Variants in PPP1R9B observed in about 807,000 individuals in gnomAD.
The protein encoded by PPP1R9B is neurabin-2.
In PPP1R9B, 17 loss-of-function variants were observed where a neutral mutation model predicts 75.8. That is an observed-to-expected ratio of 0.22 (90% CI 0.15 to 0.34). PPP1R9B has a LOEUF of 0.34. PPP1R9B is among the 10% of genes least tolerant of loss of function. The pLI is 1.00. For missense variants in PPP1R9B, 875 were observed against 1,196.0 expected, an observed-to-expected ratio of 0.73 and a Z score of 3.96; for synonymous variants, 509 against 535.4, an observed-to-expected ratio of 0.95 and a Z score of 0.68.
At position 50,145,083 on chromosome 17, in the gene PPP1R9B, C is replaced by T. The variant is rs151184270; in HGVS notation, c.1504+30G>A. The T allele has an allele frequency of 3.3e-4, 527 of 1,611,428 alleles. 1 individual carries two copies. The African/African-American group carries it at 4.1e-3, about 13-fold the overall frequency. ...GAGACCCGGGTCAACCCCAGCTGTG[C>T]GCAAGTGACGTGGCCTCCTGGCCTC... On this transcript the variant is annotated intron_variant, in intron 2 of 9. Coordinates refer to ENST00000612501, the MANE Select transcript of PPP1R9B (RefSeq NM_032595.5).
Position 50,149,840 on chromosome 17 carries a change from T to G in PPP1R9B, c.674A>C (p.His225Pro). The change falls in exon 1 of 10, where the codon CAC (histidine) becomes CCC (proline). Residue 225 changes from histidine to proline, a missense_variant. His to Pro is a moderately conservative substitution (Grantham distance 77, BLOSUM62 -2). Transcript: ENST00000612501. This position sits in a 1 kb window ranked among gnomAD's most constrained non-coding sequence, Gnocchi z 7.2. ...GGCCCTGGGGAGCCCGGGCCCGCGG[T>G]GGAGGCCGGTCCTCGAGTCGGCCTT... is the stretch of plus-strand genomic sequence containing the variant. ...FEKADSRTGL[H>P]RGPGLPRAAG... 1 of 1,474,022 alleles carries G rather than the reference T, an allele frequency of 6.8e-7. No individual in the cohort carries two copies. Among genetic ancestry groups the G allele is most frequent in the Non-Finnish European group, 8.9e-7 (1 of 1,117,906 alleles). The allele number at this position is 1,474,022 out of a possible 1,614,324, so 91.3% of individuals were successfully genotyped here.
At chr17:50,143,743 G>A in intron 2 of PPP1R9B, 25 bp from the exon 3 acceptor site, 1 of 1,613,412 alleles carries the variant, frequency 6.2e-7, no homozygotes, top group Non-Finnish European at 8.5e-7. Flanking sequence ...GTGGTGAGAT[G>A]GCAGGGCTTG....
chr17:50,142,714 C>T lies in PPP1R9B; in HGVS notation c.1625+884G>A, dbSNP rs1006699913. ...CCTTCCTACTGCCACTCCCCACACC[C>T]CTGGAATACACAGCTAACACAGGGG... is the stretch of plus-strand genomic sequence containing the variant. On this transcript the variant is annotated intron_variant, in intron 3 of 9. Transcript: ENST00000612501. The surrounding 1 kb of genome is among the most constrained non-coding windows in gnomAD (Gnocchi z 4.1). 2.0e-5 allele frequency among the ~76,000 whole-genome samples: 3 copies of T among 152,164 alleles called. No homozygotes were observed. The highest frequency in any genetic ancestry group is 6.5e-5 in the Admixed American group (1 of 15,282).
Position 50,136,194 on chromosome 17 carries a change from G to C in PPP1R9B, c.2077C>G (p.Gln693Glu). The change falls in exon 8 of 10, where the codon CAG becomes GAG. Residue 693 changes from glutamine to glutamate, a missense_variant. Coordinates refer to ENST00000612501, the MANE Select transcript of PPP1R9B (RefSeq NM_032595.5). ...AEIQQLKRKL[Q>E]SLEQEKGRWR... Reference sequence around the variant, plus strand: ...CGCCCCTTCTCCTGCTCCAGGCTCTGCAGCTGAGAGAGAAAGGCACGGCCC... The same window carrying C: ...CGCCCCTTCTCCTGCTCCAGGCTCTCCAGCTGAGAGAGAAAGGCACGGCCC... 2 of 1,599,926 alleles carry C rather than the reference G, an allele frequency of 1.3e-6. No homozygotes were observed. Among genetic ancestry groups the C allele is most frequent in the Non-Finnish European group, 1.7e-6 (2 of 1,179,556 alleles).
chr17:50,149,039 G>A lies in PPP1R9B; in HGVS notation c.1371+104C>T, dbSNP rs940324757. 101 of 815,932 alleles carry A rather than the reference G, an allele frequency of 1.2e-4. No homozygotes were observed. The highest frequency in any genetic ancestry group is 1.7e-4 in the Non-Finnish European group (95 of 560,536). The allele number at this position is 815,932 out of a possible 1,614,324, so 50.5% of individuals were successfully genotyped here. A position where few individuals can be genotyped will look rare whatever the true frequency, so the allele number is the denominator to read the frequency against. On this transcript the variant is annotated intron_variant, in intron 1 of 9. Transcript: ENST00000612501. This position sits in a 1 kb window ranked among gnomAD's most constrained non-coding sequence, Gnocchi z 7.2. ...TTCTGGGAAGGGGGCTGGGTGGCAGGGGCTGACTCAGCCTGCCAAACCCGG... is the reference window on the plus strand; with the variant it reads ...TTCTGGGAAGGGGGCTGGGTGGCAGAGGCTGACTCAGCCTGCCAAACCCGG...
chr17:50,139,442 T>C lies in PPP1R9B; in HGVS notation c.2006A>G (p.His669Arg). ...CCCTCCTCCCACCTCCTTGAACTTGTGCACCAGCTTCTCGGGCTCCATGTC... is the reference window on the plus strand; with the variant it reads ...CCCTCCTCCCACCTCCTTGAACTTGCGCACCAGCTTCTCGGGCTCCATGTC... ...PVDMEPEKLV[H>R]KFKELQIKHA... The change falls in exon 6 of 10, where the codon CAC becomes CGC. Residue 669 changes from histidine to arginine, a missense_variant. Physicochemically the swap from His to Arg is conservative, Grantham distance 29. Transcript: ENST00000612501. The surrounding 1 kb of genome is among the most constrained non-coding windows in gnomAD (Gnocchi z 5.0). 1 of 1,606,512 alleles carries C rather than the reference T, an allele frequency of 6.2e-7. No individual in the cohort carries two copies. Among genetic ancestry groups the C allele is most frequent in the Admixed American group, 1.7e-5 (1 of 59,728 alleles).
intron 3 of PPP1R9B, among the ~76,000 whole-genome samples, chr17:50,141,852 C>T (rs1356710956): frequency 6.6e-6 from 1 of 152,128 alleles, no homozygotes; most frequent in Non-Finnish European, 1.5e-5. Context: ...ACACAGGCGT[C>T]CAGGACCAGG....
chr17:50,150,273 C>T lies in PPP1R9B; in HGVS notation c.241G>A (p.Ala81Thr). ...SGEAGGGAGL[A>T]EAPRASERGV... is the part of the protein sequence containing the mutation. ...CGCTCGGACGCCCGTGGGGCCTCGG[C>T]CAGGCCCGCGCCGCCGCCCGCCTCG... Residue 81 changes from alanine to threonine, a missense_variant, in exon 1 of 10, where the codon GCC becomes ACC. By Grantham distance (58) the Ala-to-Thr change is moderately conservative. This residue lies in a region of PPP1R9B where 145 missense variants were observed against 226.1 expected (regional missense o/e 0.64). Coordinates refer to ENST00000612501, the MANE Select transcript of PPP1R9B (RefSeq NM_032595.5). The surrounding 1 kb of genome is among the most constrained non-coding windows in gnomAD (Gnocchi z 8.7). The T allele has an allele frequency of 7.0e-7, 1 of 1,432,652 alleles. No individual in the cohort carries two copies. Among genetic ancestry groups the T allele is most frequent in the Non-Finnish European group, 9.2e-7 (1 of 1,090,368 alleles). The allele number at this position is 1,432,652 out of a possible 1,614,324, so 88.7% of individuals were successfully genotyped here.
intron 7 of PPP1R9B, among the ~76,000 whole-genome samples, chr17:50,138,923 T>G (rs1252150093): frequency 2.6e-5 from 4 of 152,258 alleles, no homozygotes; most frequent in African/African-American, 7.2e-5. Flanking sequence ...CTCAGCCTAC[T>G]TTGACTTTTT....
chr17:50,144,986 G>C, intron 2 of PPP1R9B, 127 bp downstream of exon 2: 1 of 1,198,342 alleles, frequency 8.3e-7, no homozygotes, highest in Non-Finnish European at 1.2e-6. Context: ...CCAAGGGCCT[G>C]AGTCAGAGGG....
intron 4 of PPP1R9B, 42 bp from the exon 5 acceptor site, chr17:50,140,270 C>A (rs1912340260): frequency 1.3e-6 from 2 of 1,559,896 alleles, no homozygotes; most frequent in Non-Finnish European, 1.7e-6. Flanking sequence ...TGTCCTCAGC[C>A]AGGTAATGCA....
chr17:50,146,490 T>C (rs752109102), intron 1 of PPP1R9B, among the ~76,000 whole-genome samples: 2 of 152,112 alleles, frequency 1.3e-5, no homozygotes, highest in Non-Finnish European at 2.9e-5. Context: ...GGCACCCTGG[T>C]GGGCAGCAGC....
chr17:50,142,100 C>T lies in PPP1R9B; in HGVS notation c.1626-727G>A, dbSNP rs1234126029. On this transcript the variant is annotated intron_variant, in intron 3 of 9. Transcript: ENST00000612501. The surrounding 1 kb of genome is among the most constrained non-coding windows in gnomAD (Gnocchi z 4.1). The stretch of plus-strand genomic sequence containing the variant: ...GCACTCTCTCGAGTTCACACACTGT[C>T]CCACACACACCTGATACAGGTGCAC... Among the ~76,000 whole-genome samples, 1 of 152,184 alleles carries T rather than the reference C, an allele frequency of 6.6e-6. No individual in the cohort carries two copies. Among genetic ancestry groups the T allele is most frequent in the African/African-American group, 2.4e-5 (1 of 41,452 alleles).
intron 2 of PPP1R9B, 44 bp downstream of exon 2, chr17:50,145,069 C>T: frequency 6.2e-7 from 1 of 1,605,668 alleles, no homozygotes. Flanking sequence ...AGACCCGGGT[C>T]AACCCCAGCT....
chr17:50,149,874 C>A lies in PPP1R9B; in HGVS notation c.640G>T (p.Val214Phe). 1 of 1,493,236 alleles carries A rather than the reference C, an allele frequency of 6.7e-7. No homozygotes were observed. The highest frequency in any genetic ancestry group is 8.9e-7 in the Non-Finnish European group (1 of 1,127,732). 92.5% of individuals were successfully genotyped at this position (1,493,236 alleles called of 1,614,324 possible). Reference protein sequence around the residue: ...VSPTVSQLSAVFEKADSRTGL... With the variant: ...VSPTVSQLSAFFEKADSRTGL... ...GTCCTCGAGTCGGCCTTCTCGAAGACGGCGCTGAGCTGGCTGACCGTGGGG... is the reference window on the plus strand; with the variant it reads ...GTCCTCGAGTCGGCCTTCTCGAAGAAGGCGCTGAGCTGGCTGACCGTGGGG... The change falls in exon 1 of 10, where the codon GTC becomes TTC. Residue 214 changes from valine to phenylalanine, a missense_variant. Around this residue, in one of 4 missense-constraint regions of PPP1R9B, gnomAD observed 449 missense variants for 475.0 expected, o/e 0.95. Transcript: ENST00000612501. This position sits in a 1 kb window ranked among gnomAD's most constrained non-coding sequence, Gnocchi z 7.2.
chr17:50,135,238 A>T lies in PPP1R9B; in HGVS notation c.*93T>A. 1 of 936,266 alleles carries T rather than the reference A, an allele frequency of 1.1e-6. No individual in the cohort carries two copies. The highest frequency in any genetic ancestry group is 1.6e-6 in the Non-Finnish European group (1 of 643,716). 58.0% of individuals were successfully genotyped at this position (936,266 alleles called of 1,614,324 possible). On this transcript the variant is annotated 3_prime_UTR_variant, in exon 10 of 10. Transcript: ENST00000612501. ...GGGGGGAGTCGGGGCACCTGTCCCC[A>T]GGCTGGAAGGGGGAGGGGTGGGGTG...
chr17:50,140,490 G>A, intron 4 of PPP1R9B: 1 of 530,432 alleles, frequency 1.9e-6, no homozygotes, highest in Non-Finnish European at 3.4e-6. Context: ...TCTAGGCTGT[G>A]CTGCAGGGGA....
At chr17:50,137,704 C>G (rs577475403) in intron 7 of PPP1R9B, among the ~76,000 whole-genome samples, 2 of 152,208 alleles carry the variant, frequency 1.3e-5, no homozygotes, top group African/African-American at 4.8e-5. Flanking sequence ...GCCACATACC[C>G]CATGCTATCT....
intron 2 of PPP1R9B, among the ~76,000 whole-genome samples, chr17:50,144,345 A>G (rs1185910560): frequency 6.6e-6 from 1 of 151,936 alleles, no homozygotes; most frequent in East Asian, 1.9e-4. Context: ...TATGGATTCT[A>G]CCCCTGGAGA....
Sources: allele counts gnomAD v4.1 joint callset (sites outside exome capture counted in the v4.1 genomes callset), GRCh38; gene constraint gnomAD v4.1.1; regional missense constraint gnomAD v4.1.1; non-coding constraint Gnocchi (gnomAD v3.1); transcripts MANE v1.5; gene names NCBI Gene and HGNC (gene_info 2026-07-23, HGNC 2026-07-21).